DGKB: variants seen among roughly 807,000 people sequenced by gnomAD.
DGKB encodes the protein 90 kDa diacylglycerol kinase.
A neutral mutation model predicts 114.3 loss-of-function variants in DGKB; 67 were observed. The ratio of observed to expected loss-of-function variants is 0.59; its 90% CI spans 0.48 to 0.72. The LOEUF is 0.72. DGKB is among the 30% of genes least tolerant of loss of function. The pLI is 0.00. For missense variants in DGKB, 907 were observed against 975.2 expected, an observed-to-expected ratio of 0.93 and a Z score of 0.93; for synonymous variants, 398 against 323.1, an observed-to-expected ratio of 1.23 and a Z score of -2.49.
chr7:14,787,219 G>A (rs147063719), intron 2 of DGKB, among the ~76,000 whole-genome samples: 6 of 152,042 alleles, frequency 3.9e-5, no homozygotes, highest in African/African-American at 9.7e-5. Flanking sequence ...ATTTTATAGC[G>A]GAGTGTGGGG....
intron 4 of DGKB, among the ~76,000 whole-genome samples, chr7:14,743,957 C>G (rs528139314): frequency 6.6e-6 from 1 of 152,272 alleles, no homozygotes; most frequent in African/African-American, 2.4e-5. Flanking sequence ...ACGTACAGGA[C>G]TCATGAAAGA....
At chr7:14,938,590 T>G (rs1785392733) in intron 1 of DGKB, among the ~76,000 whole-genome samples, 1 of 151,342 alleles carries the variant, frequency 6.6e-6, no homozygotes, top group Non-Finnish European at 1.5e-5. Context: ...CTAACATTTC[T>G]TGTATTATTA....
chr7:14,154,216 T>G (rs1336413668), intron 25 of DGKB, among the ~76,000 whole-genome samples: 2 of 150,226 alleles, frequency 1.3e-5, no homozygotes, highest in Non-Finnish European at 3.0e-5. Flanking sequence ...TGAGATCTAT[T>G]GTAAGGATCA....
chr7:14,461,481 T>C (rs1833072168), intron 21 of DGKB, among the ~76,000 whole-genome samples: 1 of 151,880 alleles, frequency 6.6e-6, no homozygotes, highest in Non-Finnish European at 1.5e-5. Flanking sequence ...AATACCACTA[T>C]GTAAATAAAC....
At chr7:14,328,423 T>C (rs17168071) in intron 23 of DGKB, among the ~76,000 whole-genome samples, 7,041 of 152,086 alleles carry the variant, frequency 0.046, 364 homozygotes, top group East Asian at 0.17. Flanking sequence ...TATTAATAGT[T>C]AGCTTTGACA....
At chr7:14,494,604 T>C (rs1403703332) in intron 20 of DGKB, among the ~76,000 whole-genome samples, 2 of 151,932 alleles carry the variant, frequency 1.3e-5, no homozygotes, top group Non-Finnish European at 2.9e-5. Context: ...TAAATTAGTC[T>C]CACAAACAAA....
At chr7:14,869,900 G>A (rs1852208254) in intron 1 of DGKB, among the ~76,000 whole-genome samples, 1 of 152,108 alleles carries the variant, frequency 6.6e-6, no homozygotes, top group Non-Finnish European at 1.5e-5. Flanking sequence ...TCTAGTTTAT[G>A]ATCTGGAAGA....
Position 14,856,970 on chromosome 7 carries a change from T to C in DGKB, c.-187-15520A>G, listed in dbSNP as rs555551329. ...CAGCTCCCCTCCCCTTGCATGTGGGTAAAACCTGAAACATGTTCCTGACCA... is the reference window on the plus strand; with the variant it reads ...CAGCTCCCCTCCCCTTGCATGTGGGCAAAACCTGAAACATGTTCCTGACCA... On this transcript the variant is annotated intron_variant, in intron 1 of 25. Coordinates refer to ENST00000402815, the MANE Select transcript of DGKB (RefSeq NM_001350709.2). Among the ~76,000 whole-genome samples, 12 of 152,150 alleles carry C rather than the reference T, an allele frequency of 7.9e-5. No homozygotes were observed. In the South Asian group the frequency reaches 2.5e-3, roughly 32 times the overall value.
chr7:14,660,480 C>A (rs1816808890), intron 13 of DGKB, among the ~76,000 whole-genome samples: 2 of 152,214 alleles, frequency 1.3e-5, no homozygotes, highest in East Asian at 1.9e-4. Flanking sequence ...TTATCCATTT[C>A]TTCTAGATTT....
rs1796386786 is a variant in DGKB, at chr7:14,259,296, C to CAAATT, written c.2122+79214_2122+79218dup. ...AAATTATGTAAAAATGCAATACTGG[C>CAAATT]AAATTAACAAGGTCTATTAAGTTAA... On this transcript the variant is annotated intron_variant, in intron 23 of 25. Coordinates refer to ENST00000402815, the MANE Select transcript of DGKB (RefSeq NM_001350709.2). 2.0e-5 allele frequency among the ~76,000 whole-genome samples: 3 copies of CAAATT among 147,726 alleles called. No individual in the cohort carries two copies. The South Asian group carries it at 6.6e-4, about 33-fold the overall frequency.
At chr7:14,810,388 G>A (rs1375169181) in intron 2 of DGKB, among the ~76,000 whole-genome samples, 2 of 152,124 alleles carry the variant, frequency 1.3e-5, no homozygotes, top group African/African-American at 4.8e-5. Context: ...ACAACATTAT[G>A]GGATAGCTCT....
chr7:14,662,990 A>G (rs1261707604), intron 13 of DGKB, among the ~76,000 whole-genome samples: 2 of 151,988 alleles, frequency 1.3e-5, no homozygotes, highest in African/African-American at 4.8e-5. Context: ...AGCACTCACC[A>G]TCAGCTATGC....
chr7:14,326,245 T>C (rs1439417824), intron 23 of DGKB, among the ~76,000 whole-genome samples: 1 of 152,168 alleles, frequency 6.6e-6, no homozygotes, highest in Non-Finnish European at 1.5e-5. Context: ...CCTGGGTAAG[T>C]TGAGAATTCT....
chr7:14,347,752 AT>A (rs1812724151), intron 21 of DGKB, among the ~76,000 whole-genome samples: 1 of 152,014 alleles, frequency 6.6e-6, no homozygotes, highest in South Asian at 2.1e-4. Flanking sequence ...AAAATAATGT[AT>A]TATATATTTG....
At chr7:14,398,524 A>G (rs1050212190) in intron 21 of DGKB, among the ~76,000 whole-genome samples, 4 of 152,060 alleles carry the variant, frequency 2.6e-5, no homozygotes, top group Non-Finnish European at 4.4e-5. Context: ...ATTCTTTTAT[A>G]AAAAAGAAAA....
At chr7:14,934,117 G>A (rs1016566699) in intron 1 of DGKB, among the ~76,000 whole-genome samples, 5 of 152,104 alleles carry the variant, frequency 3.3e-5, no homozygotes, top group African/African-American at 1.2e-4. Flanking sequence ...GCATTTGAAT[G>A]ACTTGTCAGC....
At chr7:14,757,092 A>C (rs781395555) in intron 3 of DGKB, among the ~76,000 whole-genome samples, 3 of 152,078 alleles carry the variant, frequency 2.0e-5, no homozygotes, top group Non-Finnish European at 4.4e-5. Context: ...AGATTAAAAA[A>C]ATTCCTCCCT....
chr7:14,403,504 G>A lies in DGKB; in HGVS notation c.1836-58113C>T, dbSNP rs1823455402. ...TTCTCCTATGATATATGTTTTCTTT[G>A]GGGAACCATTTTCCATTTTAAAAAA... On this transcript the variant is annotated intron_variant, in intron 21 of 25. Transcript: ENST00000402815. Among the ~76,000 whole-genome samples the A allele has an allele frequency of 3.6e-5, 4 of 110,374 alleles. 1 individual carries two copies. The South Asian group carries it at 1.6e-3, about 44-fold the overall frequency. 72.4% of individuals were successfully genotyped at this position (110,374 alleles called of 152,430 possible).
intron 2 of DGKB, among the ~76,000 whole-genome samples, chr7:14,790,281 C>T (rs369227410): frequency 3.3e-5 from 5 of 152,258 alleles, no homozygotes; most frequent in Admixed American, 6.5e-5. Context: ...TAGAAGACCA[C>T]GAGTTTTTTA....
Sources: allele counts gnomAD v4.1 joint callset (sites outside exome capture counted in the v4.1 genomes callset), GRCh38; gene constraint gnomAD v4.1.1; transcripts MANE v1.5; gene names NCBI Gene and HGNC (gene_info 2026-07-23, HGNC 2026-07-21).